Variants in TFCP2 observed in about 807,000 individuals in gnomAD.
TFCP2 encodes the protein transcription factor CP2, also known as alpha-globin transcription factor CP2.
A neutral mutation model predicts 73.4 loss-of-function variants in TFCP2; 33 were observed. That is an observed-to-expected ratio of 0.45 (90% CI 0.34 to 0.60). TFCP2 has a LOEUF of 0.60. Among genes scored for constraint, TFCP2 ranks in the 20% least tolerant of loss-of-function variants. The probability of loss-of-function intolerance (pLI) is 0.01; values close to 1 mark genes in which losing one functional copy is unlikely to be tolerated. For synonymous variants in TFCP2, 193 were observed against 211.6 expected (o/e 0.91, Z 0.76); for missense variants, 352 against 604.0 (o/e 0.58, Z 4.37).
At chr12:51,117,268 A>T (rs542463882) in intron 3 of TFCP2, among the ~76,000 whole-genome samples, 306 of 152,248 alleles carry the variant, frequency 2.0e-3, no homozygotes, top group Non-Finnish European at 3.5e-3. Flanking sequence ...TCAAAATCCT[A>T]ACTGTTAATC....
In TFCP2 at chr12:51,111,495, ATTGAC is replaced by A. The variant is rs543417002; in HGVS notation, c.458-517_458-513del. 5.2e-4 allele frequency among the ~76,000 whole-genome samples: 79 copies of A among 152,228 alleles called. 1 individual carries two copies. Among genetic ancestry groups the A allele is most frequent in the Non-Finnish European group, 9.0e-4 (61 of 68,008 alleles). On this transcript the variant is annotated intron_variant, in intron 4 of 14. Coordinates refer to ENST00000257915, the MANE Select transcript of TFCP2 (RefSeq NM_005653.5). ...AATGAAAATATTTGATTAGAGTAAA[ATTGAC>A]TTAAGTACTTTGCTTGAGCACCTTT...
At chr12:51,145,383 GAA>G (rs1325350343) in intron 1 of TFCP2, among the ~76,000 whole-genome samples, 4 of 124,524 alleles carry the variant, frequency 3.2e-5, no homozygotes, top group Non-Finnish European at 5.2e-5. Flanking sequence ...CTCTGTCTCA[GAA>G]AAAAAAAAAA....
At chr12:51,158,253 G>A (rs1319947498) in intron 1 of TFCP2, among the ~76,000 whole-genome samples, 1 of 151,958 alleles carries the variant, frequency 6.6e-6, no homozygotes, top group Non-Finnish European at 1.5e-5. Context: ...CTGACCTCAA[G>A]AGAGCCCCCC....
intron 5 of TFCP2, among the ~76,000 whole-genome samples, chr12:51,109,900 GT>G (rs1940354798): frequency 6.6e-6 from 1 of 151,954 alleles, no homozygotes; most frequent in Non-Finnish European, 1.5e-5. Flanking sequence ...TGCATTTTTA[GT>G]AGAGACAGGT....
chr12:51,105,609 C>A (rs1035667659), intron 8 of TFCP2, among the ~76,000 whole-genome samples: 2 of 151,998 alleles, frequency 1.3e-5, no homozygotes, highest in Non-Finnish European at 2.9e-5. Context: ...AAAAAAAGAT[C>A]TTTTTCCTTT....
intron 1 of TFCP2, among the ~76,000 whole-genome samples, chr12:51,137,724 A>AT (rs1941092754): frequency 6.6e-6 from 1 of 152,224 alleles, no homozygotes; most frequent in African/African-American, 2.4e-5. Context: ...GAATCTGACT[A>AT]TTTTGATACA....
intron 1 of TFCP2, among the ~76,000 whole-genome samples, chr12:51,133,603 G>A (rs1940999545): frequency 6.6e-6 from 1 of 150,734 alleles, no homozygotes; most frequent in African/African-American, 2.4e-5. Context: ...GAGTCATCAT[G>A]CCCAGCCTTT....
chr12:51,162,445 CAA>C (rs34045047), intron 1 of TFCP2, among the ~76,000 whole-genome samples: 13 of 109,678 alleles, frequency 1.2e-4, no homozygotes, highest in Admixed American at 2.0e-4. Context: ...GACTCCATCT[CAA>C]AAAAAAAAAA....
In TFCP2 at chr12:51,102,583, G is replaced by A. The variant is rs577572085; in HGVS notation, c.1061-558C>T. The stretch of plus-strand genomic sequence containing the variant: ...TCTATTAAAAATACAAAAATTAGTC[G>A]GGTGTGGTGGTGGGTGCCTGTAATC... On this transcript the variant is annotated intron_variant, in intron 10 of 14. Transcript: ENST00000257915. Among the ~76,000 whole-genome samples, 10 of 152,002 alleles carry A rather than the reference G, an allele frequency of 6.6e-5. No homozygotes were observed. In the East Asian group the frequency reaches 9.7e-4, roughly 15 times the overall value.
At chr12:51,142,407 T>C (rs1158748232) in intron 1 of TFCP2, among the ~76,000 whole-genome samples, 1 of 152,088 alleles carries the variant, frequency 6.6e-6, no homozygotes, top group Non-Finnish European at 1.5e-5. Context: ...AATTACTTCT[T>C]CATGTACAAT....
At chr12:51,149,024 C>CAAAAAAAAAAA (rs60318954) in intron 1 of TFCP2, among the ~76,000 whole-genome samples, 854 of 37,926 alleles carry the variant, frequency 0.023, 235 homozygotes, top group East Asian at 0.088. Context: ...GACTCCATCT[C>CAAAAAAAAAAA]AAAAAAAAAA....
At chr12:51,125,424 C>T in intron 1 of TFCP2, 2 of 410,228 alleles carry the variant, frequency 4.9e-6, no homozygotes, top group Non-Finnish European at 9.5e-6. Context: ...TTCTGTGGGA[C>T]CCTCTCACAC....
intron 11 of TFCP2, among the ~76,000 whole-genome samples, chr12:51,100,004 G>C (rs1409507871): frequency 6.6e-6 from 1 of 151,828 alleles, no homozygotes; most frequent in East Asian, 1.9e-4. Flanking sequence ...ATAAACCTCT[G>C]AACTTTTGGC....
At chr12:51,149,188 G>A (rs761976307) in intron 1 of TFCP2, among the ~76,000 whole-genome samples, 26 of 151,974 alleles carry the variant, frequency 1.7e-4, no homozygotes, top group Non-Finnish European at 3.4e-4. Flanking sequence ...ACCAAACATC[G>A]TATGTTTTCA....
chr12:51,125,381 C>T lies in TFCP2; in HGVS notation c.123-6609G>A, dbSNP rs143090978. 1,475 of 473,706 alleles carry T rather than the reference C, an allele frequency of 3.1e-3. 16 individuals carry two copies. The highest frequency in any genetic ancestry group is 0.026 in the African/African-American group (1,305 of 50,854). 29.3% of individuals were successfully genotyped at this position (473,706 alleles called of 1,614,324 possible). A position where few individuals can be genotyped will look rare whatever the true frequency, so the allele number is the denominator to read the frequency against. On this transcript the variant is annotated intron_variant, in intron 1 of 14. Transcript: ENST00000257915. ...ACAGCTAAGGCCAAGCCAAACTTAC[C>T]GTGGACTCAAACACTTTGGCTGCCA...
chr12:51,135,939 CAAAT>C (rs1302609422), intron 1 of TFCP2, among the ~76,000 whole-genome samples: 8 of 152,006 alleles, frequency 5.3e-5, no homozygotes, highest in Non-Finnish European at 8.8e-5. Context: ...TTGAATTCAT[CAAAT>C]AGTCTTTGAG....
chr12:51,132,387 T>TTTTTTTTTC (rs1186866774), intron 1 of TFCP2, among the ~76,000 whole-genome samples: 1 of 127,510 alleles, frequency 7.8e-6, no homozygotes, highest in African/African-American at 2.9e-5. Flanking sequence ...TTTTTTTTTT[T>TTTTTTTTTC]AGACAGAGTC....
At chr12:51,145,828 T>G (rs1162665027) in intron 1 of TFCP2, among the ~76,000 whole-genome samples, 1 of 150,294 alleles carries the variant, frequency 6.7e-6, no homozygotes, top group African/African-American at 2.5e-5. Context: ...GGTGCATACC[T>G]GTGGTCCCAG....
At chr12:51,138,644 G>A (rs956407907) in intron 1 of TFCP2, among the ~76,000 whole-genome samples, 1 of 151,984 alleles carries the variant, frequency 6.6e-6, no homozygotes, top group African/African-American at 2.4e-5. Flanking sequence ...TTGAGACCAA[G>A]TTTCGCTCTG....
Sources: allele counts gnomAD v4.1 joint callset (sites outside exome capture counted in the v4.1 genomes callset), GRCh38; gene constraint gnomAD v4.1.1; transcripts MANE v1.5; gene names NCBI Gene and HGNC (gene_info 2026-07-23, HGNC 2026-07-21).